HDHD5: variants seen among roughly 807,000 people sequenced by gnomAD.
HDHD5 encodes the protein haloacid dehalogenase like hydrolase domain containing 5.
In HDHD5, 34 loss-of-function variants were observed where a neutral mutation model predicts 35.5. The observed-to-expected ratio is 0.96, with a 90% CI of 0.73 to 1.28. The LOEUF (loss-of-function observed/expected upper bound fraction) is 1.28, where lower values mean the gene tolerates loss of function less well. HDHD5 is among the 50% of genes most tolerant of loss of function. The probability of loss-of-function intolerance (pLI) is 0.00; values close to 1 mark genes in which losing one functional copy is unlikely to be tolerated. For synonymous variants in HDHD5, 248 were observed against 240.6 expected (o/e 1.03, Z -0.29); for missense variants, 589 against 560.2 (o/e 1.05, Z -0.52).
rs58807817 is a variant in HDHD5 at position 17,157,085 on chromosome 22, TACACAC to T, written c.126+2035_126+2040del. Reference sequence around the variant, plus strand: ...AGAGCTAGACACCGTCTCACACACATACACACACACACACACACACACACACACAAA... The same window carrying T: ...AGAGCTAGACACCGTCTCACACACATACACACACACACACACACACACAAA... On this transcript the variant is annotated intron_variant, in intron 1 of 7. Transcript: ENST00000336737. Among the ~76,000 whole-genome samples, 413 of 143,796 alleles carry T rather than the reference TACACAC, an allele frequency of 2.9e-3. 1 individual carries two copies. The highest frequency in any genetic ancestry group is 9.2e-3 in the African/African-American group (353 of 38,342). 94.3% of individuals were successfully genotyped at this position (143,796 alleles called of 152,430 possible). A position where few individuals can be genotyped will look rare whatever the true frequency, so the allele number is the denominator to read the frequency against.
At chr22:17,149,827 G>T in intron 1 of HDHD5, 82 bp from the exon 2 acceptor site, 1 of 1,214,456 alleles carries the variant, frequency 8.2e-7, no homozygotes, top group Non-Finnish European at 1.2e-6. Flanking sequence ...ACCATCCTCG[G>T]GTCACTCATG....
intron 7 of HDHD5, 37 bp from the exon 8 acceptor site, chr22:17,138,394 G>GA (rs774344311): frequency 5.3e-5 from 84 of 1,585,544 alleles, no homozygotes; most frequent in Non-Finnish European, 6.9e-5. Context: ...GGAAAAAGGA[G>GA]AAAAAACCCT....
chr22:17,139,550 G>A (rs1178024066), intron 6 of HDHD5, among the ~76,000 whole-genome samples: 1 of 151,844 alleles, frequency 6.6e-6, no homozygotes, highest in African/African-American at 2.4e-5. Flanking sequence ...AAACAAACTG[G>A]GGACGGTATT....
chr22:17,157,085 TACACACACACAC>T (rs58807817), intron 1 of HDHD5, among the ~76,000 whole-genome samples: 1 of 143,682 alleles, frequency 7.0e-6, no homozygotes, highest in Non-Finnish European at 1.5e-5. Context: ...CTCACACACA[TACACACACACAC>T]ACACACACAC....
intron 1 of HDHD5, among the ~76,000 whole-genome samples, chr22:17,165,018 TTCTA>T (rs1286899447): frequency 6.6e-6 from 1 of 152,154 alleles, no homozygotes; most frequent in Non-Finnish European, 1.5e-5. Context: ...CTCTCTCTCT[TTCTA>T]TCTCTCTCCA....
rs777520185 is a variant in HDHD5 at position 17,149,680 on chromosome 22, G to T, written c.192C>A (p.Ile64=). The T allele has an allele frequency of 1.4e-5, 22 of 1,614,022 alleles. No individual in the cohort carries two copies. Among genetic ancestry groups the T allele is most frequent in the Non-Finnish European group, 1.6e-5 (19 of 1,180,046 alleles). Residue 64 remains isoleucine, a synonymous_variant, in exon 2 of 8, where the codon ATC becomes ATA. Transcript: ENST00000336737. The stretch of plus-strand genomic sequence containing the variant: ...TTCGGAAGGCTTTCAGAGCAGCAGG[G>T]ATCACTCTGTGGCCCCGCACAAGCA... ...DGVLVRGHRV[I]PAALKAFRRL... is the part of the protein sequence containing the mutation.
At chr22:17,164,111 C>T (rs2061878297), upstream of HDHD5, among the ~76,000 whole-genome samples, 1 of 152,080 alleles carries the variant, frequency 6.6e-6, no homozygotes, top group Non-Finnish European at 1.5e-5. Flanking sequence ...ATCCCAGCTA[C>T]TCGGTAGTCC....
chr22:17,138,663 C>G lies in HDHD5; in HGVS notation c.822G>C (p.Glu274Asp). The change falls in exon 7 of 8, where the codon GAG becomes GAC. Residue 274 changes from glutamate to aspartate, a missense_variant. Physicochemically the swap from Glu to Asp is conservative, Grantham distance 45. Coordinates refer to ENST00000336737, the MANE Select transcript of HDHD5 (RefSeq NM_033070.3). ...QKVTGKELRY[E>D]GLMGKPSILT... ...GGATGCTGGGTTTGCCCATCAGGCC[C>G]TCGTATCTCAGCTCCTTGCCCGTCA... The G allele has an allele frequency of 6.2e-7, 1 of 1,614,218 alleles. No individual in the cohort carries two copies. Among genetic ancestry groups the G allele is most frequent in the South Asian group, 1.1e-5 (1 of 91,080 alleles).
chr22:17,152,224 G>A (rs1601397409), intron 1 of HDHD5, among the ~76,000 whole-genome samples: 1 of 152,314 alleles, frequency 6.6e-6, no homozygotes, highest in East Asian at 1.9e-4. Flanking sequence ...CATCAGACCT[G>A]AACTATAGAA....
chr22:17,151,756 G>GA (rs1336179557), intron 1 of HDHD5, among the ~76,000 whole-genome samples: 19 of 142,922 alleles, frequency 1.3e-4, no homozygotes, highest in Middle Eastern at 7.2e-3. Context: ...AAAAAAAGAA[G>GA]AAGAAAGAAA....
rs1450513786 is a variant in HDHD5, at chr22:17,159,193, G to A, written c.59C>T (p.Ala20Val). 6 of 1,208,046 alleles carry A rather than the reference G, an allele frequency of 5.0e-6. No homozygotes were observed. The highest frequency in any genetic ancestry group is 6.2e-6 in the Non-Finnish European group (6 of 974,678). 74.8% of individuals were successfully genotyped at this position (1,208,046 alleles called of 1,614,324 possible). A position where few individuals can be genotyped will look rare whatever the true frequency, so the allele number is the denominator to read the frequency against. The change falls in exon 1 of 8, where the codon GCG becomes GTG. Residue 20 changes from alanine (A) to valine (V), a missense_variant. Physicochemically the swap from Ala to Val is moderately conservative, Grantham distance 64. Coordinates refer to ENST00000336737, the MANE Select transcript of HDHD5 (RefSeq NM_033070.3). ...LGAARGLCWR[A>V]ARAAAGLQGR... The stretch of plus-strand genomic sequence containing the variant: ...CTGGAGCCCCGCAGCCGCGCGCGCC[G>A]CCCGCCAGCAAAGCCCACGCGCCGC...
chr22:17,139,452 C>T (rs1440284432), intron 6 of HDHD5, among the ~76,000 whole-genome samples: 4 of 151,622 alleles, frequency 2.6e-5, no homozygotes, highest in East Asian at 2.0e-4. Flanking sequence ...CACTTGAACC[C>T]GGGAGGCGGA....
intron 3 of HDHD5, among the ~76,000 whole-genome samples, chr22:17,147,278 C>T (rs1444366515): frequency 4.3e-5 from 3 of 69,498 alleles, no homozygotes; most frequent in Admixed American, 1.6e-4. Context: ...CCATCGCACA[C>T]GCCCCACACC....
Position 17,157,113 on chromosome 22 carries a change from C to CAAAA in HDHD5, c.126+2009_126+2012dup, listed in dbSNP as rs1555881536. On this transcript the variant is annotated intron_variant, in intron 1 of 7. Transcript: ENST00000336737. ...ACACACACACACACACACACACACACAAAAGAAAAAAGCTATGGAACAATG... is the reference window on the plus strand; with the variant it reads ...ACACACACACACACACACACACACACAAAAAAAAGAAAAAAGCTATGGAACAATG... 2.3e-4 allele frequency among the ~76,000 whole-genome samples: 34 copies of CAAAA among 145,106 alleles called. No individual in the cohort carries two copies. In the East Asian group the frequency reaches 5.7e-3, roughly 24 times the overall value.
intron 2 of HDHD5, among the ~76,000 whole-genome samples, chr22:17,149,101 A>G (rs1281058349): frequency 6.6e-6 from 1 of 151,952 alleles, no homozygotes; most frequent in Non-Finnish European, 1.5e-5. Flanking sequence ...TATTTTATTT[A>G]CTCTCCTGGT....
chr22:17,159,611 G>C, upstream of HDHD5: 1 of 409,800 alleles, frequency 2.4e-6, no homozygotes, highest in South Asian at 1.7e-5. Context: ...TGTCTGGGCC[G>C]GGGGTCTCAA....
intron 6 of HDHD5, 100 bp downstream of exon 6, chr22:17,140,959 C>A (rs907197349): frequency 8.7e-6 from 10 of 1,153,800 alleles, no homozygotes; most frequent in African/African-American, 1.6e-5. Context: ...GAGGTCCCGG[C>A]ACCTGGGGTG....
intron 6 of HDHD5, among the ~76,000 whole-genome samples, chr22:17,139,538 AC>A (rs199555937): frequency 2.0e-4 from 30 of 149,964 alleles, no homozygotes; most frequent in South Asian, 6.4e-4. Context: ...AAAAAAAAAA[AC>A]AAACAAACTG....
chr22:17,155,454 C>A (rs1416283538), intron 1 of HDHD5, among the ~76,000 whole-genome samples: 1 of 152,022 alleles, frequency 6.6e-6, no homozygotes, highest in Non-Finnish European at 1.5e-5. Flanking sequence ...ACCATATTGG[C>A]CAGGCTGGTC....
Sources: allele counts gnomAD v4.1 joint callset (sites outside exome capture counted in the v4.1 genomes callset), GRCh38; gene constraint gnomAD v4.1.1; transcripts MANE v1.5; gene names NCBI Gene and HGNC (gene_info 2026-07-23, HGNC 2026-07-21).